RAD54L2: variants seen among roughly 807,000 people sequenced by gnomAD.
RAD54L2 encodes the protein RAD54 like 2, also known as helicase ARIP4.
In RAD54L2, 27 loss-of-function variants were observed where a neutral mutation model predicts 138.4. That is an observed-to-expected ratio of 0.20 (90% CI 0.14 to 0.27). RAD54L2 has a LOEUF of 0.27. Among genes scored for constraint, RAD54L2 ranks in the 10% least tolerant of loss-of-function variants. RAD54L2 has a pLI of 1.00. For synonymous variants in RAD54L2, 644 were observed against 723.2 expected, an observed-to-expected ratio of 0.89 and a Z score of 1.76; for missense variants, 1,396 against 1,890.2, an observed-to-expected ratio of 0.74 and a Z score of 4.85.
intron 3 of RAD54L2, among the ~76,000 whole-genome samples, chr3:51,601,392 C>G (rs1700076822): frequency 6.6e-6 from 1 of 150,772 alleles, no homozygotes; most frequent in Admixed American, 6.6e-5. Context: ...ACTGCAACCT[C>G]TGCCTCAGGG....
intron 2 of RAD54L2, among the ~76,000 whole-genome samples, chr3:51,565,743 G>C (rs1393041177): frequency 6.6e-6 from 1 of 151,978 alleles, no homozygotes; most frequent in Non-Finnish European, 1.5e-5. Flanking sequence ...AAAGTGCTGG[G>C]ATTACAGGCG....
At chr3:51,640,674 G>A (rs1395330063) in intron 14 of RAD54L2, among the ~76,000 whole-genome samples, 4 of 152,238 alleles carry the variant, frequency 2.6e-5, no homozygotes, top group Non-Finnish European at 4.4e-5. Context: ...TTAGCTTGGG[G>A]AGAGCCTAGT....
At position 51,606,079 on chromosome 3, in the gene RAD54L2, C is replaced by T. The variant is rs533323801; in HGVS notation, c.139+15520C>T. 4.6e-5 allele frequency among the ~76,000 whole-genome samples: 7 copies of T among 152,268 alleles called. No individual in the cohort carries two copies. The South Asian group carries it at 1.5e-3, about 32-fold the overall frequency. On this transcript the variant is annotated intron_variant, in intron 3 of 22. Transcript: ENST00000684192. ...CTGCGATTTTGAGGCTGGAGACCAT[C>T]GAGCAGAAGCTGTGTGGGTGGAGGT...
rs773505994 is a variant in RAD54L2, at chr3:51,630,964, C to T, written c.825+33C>T. On this transcript the variant is annotated intron_variant, in intron 7 of 22. Coordinates refer to ENST00000684192, the MANE Select transcript of RAD54L2 (RefSeq NM_015106.4). ...AAACCTTGACTGTTTTCTCCTTTTC[C>T]TTTTTGTTTCCTTGTTGTGAACATT... The T allele has an allele frequency of 7.7e-6, 12 of 1,565,516 alleles. No homozygotes were observed. In the East Asian group the frequency reaches 2.7e-4, roughly 35 times the overall value.
At chr3:51,646,603 T>C (rs774947455) in intron 19 of RAD54L2, 122 bp downstream of exon 19, 81 of 1,065,026 alleles carry the variant, frequency 7.6e-5, no homozygotes, top group Admixed American at 1.7e-4. Context: ...ATTGACAGGC[T>C]CTGCTCTAGG....
chr3:51,585,557 C>T (rs1279782387), intron 2 of RAD54L2, among the ~76,000 whole-genome samples: 3 of 152,150 alleles, frequency 2.0e-5, no homozygotes, highest in Non-Finnish European at 2.9e-5. Flanking sequence ...ATGATTAATT[C>T]TGCTGATTGT....
intron 2 of RAD54L2, among the ~76,000 whole-genome samples, chr3:51,548,372 G>T (rs1698753020): frequency 2.0e-5 from 3 of 152,058 alleles, no homozygotes; most frequent in Admixed American, 6.6e-5. Context: ...TATTTTTGTA[G>T]AGATGGGGTT....
intron 3 of RAD54L2, among the ~76,000 whole-genome samples, chr3:51,599,423 T>G (rs953246553): frequency 6.6e-6 from 1 of 152,128 alleles, no homozygotes; most frequent in African/African-American, 2.4e-5. Context: ...TAAAGCGGCA[T>G]AAGAAAAACT....
intron 2 of RAD54L2, among the ~76,000 whole-genome samples, chr3:51,548,413 C>T (rs1168572294): frequency 6.6e-6 from 1 of 152,142 alleles, no homozygotes; most frequent in Non-Finnish European, 1.5e-5. Flanking sequence ...GTTTTGAACT[C>T]CTGACCTCAG....
At chr3:51,626,665 G>A (rs1471054856) in intron 3 of RAD54L2, among the ~76,000 whole-genome samples, 2 of 151,300 alleles carry the variant, frequency 1.3e-5, no homozygotes, top group African/African-American at 4.9e-5. Flanking sequence ...GGCTGGTCTC[G>A]AACTCCTGAC....
At chr3:51,661,116 C>G (rs999878852) in intron 22 of RAD54L2, among the ~76,000 whole-genome samples, 8 of 152,192 alleles carry the variant, frequency 5.3e-5, no homozygotes, top group Middle Eastern at 3.4e-3. Context: ...TGCGTGCCAC[C>G]ACGCCCAGCT....
At chr3:51,643,692 G>A (rs980436044) in intron 15 of RAD54L2, among the ~76,000 whole-genome samples, 183 bp from the exon 16 acceptor site, 1 of 152,178 alleles carries the variant, frequency 6.6e-6, no homozygotes, top group African/African-American at 2.4e-5. Flanking sequence ...TCACCTGGGG[G>A]TATTTTCAAA....
intron 2 of RAD54L2, among the ~76,000 whole-genome samples, chr3:51,542,546 C>T (rs541870229): frequency 2.0e-5 from 3 of 151,780 alleles, no homozygotes; most frequent in African/African-American, 7.3e-5. Context: ...CCCAGGTTCA[C>T]GCCATTCTCC....
chr3:51,555,590 G>A (rs1443838483), intron 2 of RAD54L2, among the ~76,000 whole-genome samples: 1 of 152,104 alleles, frequency 6.6e-6, no homozygotes, highest in South Asian at 2.1e-4. Context: ...TGGGGGAGGC[G>A]GAGGTTGCAA....
chr3:51,586,136 G>T (rs1699702687), intron 2 of RAD54L2, among the ~76,000 whole-genome samples: 1 of 151,920 alleles, frequency 6.6e-6, no homozygotes. Flanking sequence ...TGTGAGGGTG[G>T]AGCCCCTTAG....
At position 51,638,110 on chromosome 3, in the gene RAD54L2, T is replaced by C; in HGVS notation, c.1683-34T>C. The C allele has an allele frequency of 1.9e-6, 3 of 1,607,600 alleles. No individual in the cohort carries two copies. Among genetic ancestry groups the C allele is most frequent in the South Asian group, 1.1e-5 (1 of 90,630 alleles). ...TTGTGCTGACCCCTCCTGGCCACAC[T>C]ACCTTGCCGTTTCTGTTCTGTTTGC... On this transcript the variant is annotated intron_variant, in intron 11 of 22. Transcript: ENST00000684192. This position sits in a 1 kb window ranked among gnomAD's most constrained non-coding sequence, Gnocchi z 4.3.
intron 3 of RAD54L2, among the ~76,000 whole-genome samples, chr3:51,598,466 G>A (rs1399203996): frequency 1.3e-5 from 2 of 152,084 alleles, no homozygotes; most frequent in Non-Finnish European, 2.9e-5. Flanking sequence ...GGATGGGTGC[G>A]GTGGCTCACG....
intron 3 of RAD54L2, among the ~76,000 whole-genome samples, chr3:51,607,351 C>T (rs1700210037): frequency 6.6e-6 from 1 of 151,980 alleles, no homozygotes; most frequent in Non-Finnish European, 1.5e-5. Flanking sequence ...TAACAAAGCA[C>T]ATCTTGCACC....
chr3:51,638,649 G>A lies in RAD54L2; in HGVS notation c.1860+328G>A. On this transcript the variant is annotated intron_variant, in intron 12 of 22. Transcript: ENST00000684192. The surrounding 1 kb of genome is among the most constrained non-coding windows in gnomAD (Gnocchi z 4.3). ...CTGCTAGCATAATCAGAATTCAAGAGATATATAGCTTAGACAAGTTATTAG... is the reference window on the plus strand; with the variant it reads ...CTGCTAGCATAATCAGAATTCAAGAAATATATAGCTTAGACAAGTTATTAG... 4.1e-6 allele frequency: 1 copy of A among 243,590 alleles called. No individual in the cohort carries two copies. The highest frequency in any genetic ancestry group is 7.9e-6 in the Non-Finnish European group (1 of 126,356). The allele number at this position is 243,590 out of a possible 1,614,324, so 15.1% of individuals were successfully genotyped here. A position where few individuals can be genotyped will look rare whatever the true frequency, so the allele number is the denominator to read the frequency against.
Sources: allele counts gnomAD v4.1 joint callset (sites outside exome capture counted in the v4.1 genomes callset), GRCh38; gene constraint gnomAD v4.1.1; non-coding constraint Gnocchi (gnomAD v3.1); transcripts MANE v1.5; gene names NCBI Gene and HGNC (gene_info 2026-07-23, HGNC 2026-07-21).